The following NPAS3 variants were observed in gnomAD, a reference collection of about 807,000 sequenced individuals.
NPAS3 encodes the protein neuronal PAS domain-containing protein 3.
In NPAS3, 14 loss-of-function variants were observed where a neutral mutation model predicts 73.1. The observed-to-expected ratio is 0.19, with a 90% CI of 0.13 to 0.30. The LOEUF is 0.30. Ranked by LOEUF, NPAS3 falls within the 10% of genes least tolerant of loss-of-function variation. NPAS3 has a pLI of 1.00. For synonymous variants in NPAS3, 620 were observed against 541.5 expected, an observed-to-expected ratio of 1.14 and a Z score of -2.01; for missense variants, 1,096 against 1,250.0, an observed-to-expected ratio of 0.88 and a Z score of 1.86.
intron 2 of NPAS3, chr14:33,213,631 T>C (rs181807781): frequency 5.3e-5 from 8 of 152,202 alleles, no homozygotes; most frequent in African/African-American, 1.9e-4. Context: ...TGTAAATTAG[T>C]AATGTTTCTG....
At chr14:33,152,377 G>A (rs1595559848) in intron 2 of NPAS3, among the ~76,000 whole-genome samples, 1 of 152,028 alleles carries the variant, frequency 6.6e-6, no homozygotes, top group Non-Finnish European at 1.5e-5. Flanking sequence ...TCATTGCTGT[G>A]TGTCTCACCA....
At chr14:33,623,427 T>C (rs1002579338) in intron 5 of NPAS3, among the ~76,000 whole-genome samples, 2 of 152,206 alleles carry the variant, frequency 1.3e-5, no homozygotes, top group African/African-American at 4.8e-5. Flanking sequence ...CATCAGCATT[T>C]GGACGCAGCT....
chr14:33,164,550 C>T (rs2045047239), intron 2 of NPAS3, among the ~76,000 whole-genome samples: 1 of 150,988 alleles, frequency 6.6e-6, no homozygotes, highest in Admixed American at 6.6e-5. Flanking sequence ...AAAAAAAAAC[C>T]ACAGAGATAC....
chr14:33,304,294 C>T (rs927169932), intron 3 of NPAS3, among the ~76,000 whole-genome samples: 9 of 152,248 alleles, frequency 5.9e-5, no homozygotes, highest in Non-Finnish European at 1.0e-4. Flanking sequence ...CAGTGAATTT[C>T]AGTTATCCTT....
chr14:33,227,406 G>T (rs2047675535), intron 3 of NPAS3, among the ~76,000 whole-genome samples: 1 of 152,130 alleles, frequency 6.6e-6, no homozygotes, highest in Non-Finnish European at 1.5e-5. Context: ...GGGGACTCTT[G>T]CTAGGGTGTC....
intron 4 of NPAS3, among the ~76,000 whole-genome samples, chr14:33,540,449 G>A (rs1185735553): frequency 2.0e-5 from 3 of 152,096 alleles, no homozygotes; most frequent in Admixed American, 1.3e-4. Flanking sequence ...TTAAATCCTT[G>A]CACGCTGGGA....
intron 3 of NPAS3, among the ~76,000 whole-genome samples, chr14:33,355,174 C>T (rs1465814991): frequency 1.3e-5 from 2 of 152,186 alleles, no homozygotes; most frequent in African/African-American, 4.8e-5. Context: ...TCCCCTCATC[C>T]CCACCAATCC....
intron 1 of NPAS3, among the ~76,000 whole-genome samples, chr14:32,968,601 C>T (rs970767099): frequency 2.0e-5 from 3 of 152,072 alleles, no homozygotes; most frequent in African/African-American, 7.2e-5. Flanking sequence ...CATTTCCACA[C>T]TTTAAATCAT....
chr14:32,968,408 A>G (rs1461857848), intron 1 of NPAS3, among the ~76,000 whole-genome samples: 1 of 152,214 alleles, frequency 6.6e-6, no homozygotes, highest in Non-Finnish European at 1.5e-5. Flanking sequence ...TGTACCTGTC[A>G]TATAATGTAA....
At chr14:33,799,992 A>C (rs2063639813) in exon 12 of NPAS3, 1 of 1,613,304 alleles carries the variant, frequency 6.2e-7, no homozygotes, top group Non-Finnish European at 8.5e-7. Flanking sequence ...CGCTACGTGG[A>C]GAGCGAGTCG....
At chr14:33,448,254 G>A (rs2049613241) in intron 4 of NPAS3, among the ~76,000 whole-genome samples, 1 of 152,178 alleles carries the variant, frequency 6.6e-6, no homozygotes, top group South Asian at 2.1e-4. Context: ...GCACTTGGAT[G>A]AGATCCTCTA....
At chr14:32,996,689 C>T (rs2038588947) in intron 1 of NPAS3, among the ~76,000 whole-genome samples, 1 of 152,146 alleles carries the variant, frequency 6.6e-6, no homozygotes, top group Admixed American at 6.5e-5. Context: ...CCACAGAAGT[C>T]AAGAATTGAG....
chr14:33,536,126 G>A (rs922981499), intron 4 of NPAS3, among the ~76,000 whole-genome samples: 6 of 152,200 alleles, frequency 3.9e-5, no homozygotes, highest in Middle Eastern at 3.4e-3. Context: ...AGAACTAAGC[G>A]TTCACCTCCA....
chr14:32,943,896 G>A (rs1175154257), intron 1 of NPAS3, among the ~76,000 whole-genome samples: 5 of 151,976 alleles, frequency 3.3e-5, no homozygotes, highest in Admixed American at 1.3e-4. Context: ...CACCATGTTG[G>A]CCAGGCTGGT....
At chr14:33,027,219 T>A (rs2039836457) in intron 1 of NPAS3, among the ~76,000 whole-genome samples, 1 of 152,202 alleles carries the variant, frequency 6.6e-6, no homozygotes, top group African/African-American at 2.4e-5. Flanking sequence ...GGGGCTGAAT[T>A]GAGTAGTCTT....
In NPAS3 at chr14:33,200,801, C is replaced by T. The variant is rs548151258; in HGVS notation, c.141-14381C>T. 3.3e-5 allele frequency among the ~76,000 whole-genome samples: 5 copies of T among 152,268 alleles called. No homozygotes were observed. In the East Asian group the frequency reaches 7.7e-4, roughly 24 times the overall value. The stretch of plus-strand genomic sequence containing the variant: ...ATATCCCCTATGTGCTGGGCAGGTG[C>T]TTTCCAGTTTTCCACAGGACCCACT... On this transcript the variant is annotated intron_variant, in intron 2 of 11. Coordinates refer to ENST00000356141, the Ensembl canonical transcript of NPAS3.
intron 2 of NPAS3, 89 bp downstream of exon 2, chr14:33,056,083 C>T: frequency 1.8e-6 from 1 of 567,418 alleles, no homozygotes; most frequent in East Asian, 3.1e-5. Flanking sequence ...TGTATTGAAA[C>T]CTTCTTTTTA....
intron 4 of NPAS3, among the ~76,000 whole-genome samples, chr14:33,431,464 A>G (rs1184044995): frequency 6.6e-6 from 1 of 152,126 alleles, no homozygotes; most frequent in East Asian, 1.9e-4. Context: ...CTATTTGAAT[A>G]TTGGAATTGC....
At chr14:33,696,383 C>T (rs1437741244) in intron 6 of NPAS3, among the ~76,000 whole-genome samples, 1 of 152,184 alleles carries the variant, frequency 6.6e-6, no homozygotes, top group African/African-American at 2.4e-5. Flanking sequence ...CCACTTTCGT[C>T]ACCCACAAAA....
Sources: allele counts gnomAD v4.1 joint callset (sites outside exome capture counted in the v4.1 genomes callset), GRCh38; gene constraint gnomAD v4.1.1; transcripts MANE v1.5; gene names NCBI Gene and HGNC (gene_info 2026-07-23, HGNC 2026-07-21).